The following HHLA2 variants were observed in gnomAD, a reference collection of about 807,000 sequenced individuals.
HHLA2 encodes HERV-H LTR-associating protein 2.
A neutral mutation model predicts 45.9 loss-of-function variants in HHLA2; 48 were observed. The observed-to-expected ratio is 1.05, with a 90% CI of 0.83 to 1.33. The LOEUF (loss-of-function observed/expected upper bound fraction) is 1.33, where lower values mean the gene tolerates loss of function less well. HHLA2 is among the 40% of genes most tolerant of loss of function. The pLI is 0.00. For synonymous variants in HHLA2, 161 were observed against 173.9 expected, an observed-to-expected ratio of 0.93 and a Z score of 0.59; for missense variants, 462 against 494.3, an observed-to-expected ratio of 0.93 and a Z score of 0.62.
intron 2 of HHLA2, chr3:108,326,878 G>A (rs552367069): frequency 2.0e-5 from 3 of 152,182 alleles, no homozygotes; most frequent in Non-Finnish European, 2.9e-5. Flanking sequence ...GAGAAAGCTA[G>A]TCTACTTATT....
chr3:108,298,554 G>C lies in HHLA2; in HGVS notation c.-192+1955G>C, dbSNP rs59194672. 4.7e-3 allele frequency among the ~76,000 whole-genome samples: 715 copies of C among 152,224 alleles called. 40 individuals are homozygous for C. In the East Asian group the frequency reaches 0.11, roughly 23 times the overall value. ...GCATATTTCTCTTTCTTCAGCATAG[G>C]CTTCACCCTTAGAAGCTTGCTTTTC... On this transcript the variant is annotated intron_variant, in intron 1 of 10. Transcript: ENST00000619531.
At chr3:108,366,851 T>G (rs1415828864) in intron 8 of HHLA2, among the ~76,000 whole-genome samples, 1 of 152,252 alleles carries the variant, frequency 6.6e-6, no homozygotes, top group Non-Finnish European at 1.5e-5. Flanking sequence ...TCTGTTTGAT[T>G]CTTCTTTCTT....
At chr3:108,353,507 C>G (rs772232203) in exon 5 of HHLA2, 1 of 1,610,510 alleles carries the variant, frequency 6.2e-7, no homozygotes, top group Admixed American at 1.7e-5. Flanking sequence ...AGATATAATT[C>G]TCCCTTCTTC....
intron 3 of HHLA2, among the ~76,000 whole-genome samples, chr3:108,328,865 G>A (rs1194437911): frequency 2.6e-5 from 4 of 152,162 alleles, no homozygotes; most frequent in African/African-American, 7.2e-5. Flanking sequence ...GTTCAGAATT[G>A]GGAGGAGGCG....
chr3:108,301,709 A>AT lies in HHLA2; in HGVS notation c.-192+5111dup, dbSNP rs566896309. Among the ~76,000 whole-genome samples the AT allele has an allele frequency of 1.3e-3, 197 of 152,182 alleles. 1 individual carries two copies. The Middle Eastern group carries it at 0.017, about 13-fold the overall frequency. ...TGGCAAATTCTTGTAATCTTTTCTC[A>AT]TAAGGATTCTACCCCTTTCTCCCTC... is the stretch of plus-strand genomic sequence containing the variant. On this transcript the variant is annotated intron_variant, in intron 1 of 10. Transcript: ENST00000619531.
intron 8 of HHLA2, among the ~76,000 whole-genome samples, chr3:108,363,702 T>G (rs1162098913): frequency 6.6e-6 from 1 of 152,162 alleles, no homozygotes; most frequent in East Asian, 1.9e-4. Flanking sequence ...GTGATTGGAT[T>G]AGGTTCAAAT....
chr3:108,359,226 C>A (rs1693919062), intron 7 of HHLA2, among the ~76,000 whole-genome samples: 1 of 152,010 alleles, frequency 6.6e-6, no homozygotes, highest in South Asian at 2.1e-4. Flanking sequence ...CTACATATGG[C>A]CCGTCTTCCC....
chr3:108,312,984 G>A (rs1479538878), intron 2 of HHLA2, among the ~76,000 whole-genome samples: 1 of 152,104 alleles, frequency 6.6e-6, no homozygotes, highest in Non-Finnish European at 1.5e-5. Flanking sequence ...AACAGTTGTG[G>A]GAGGACTCAA....
At chr3:108,345,763 C>G (rs958507698) in intron 3 of HHLA2, among the ~76,000 whole-genome samples, 1 of 152,222 alleles carries the variant, frequency 6.6e-6, no homozygotes, top group African/African-American at 2.4e-5. Flanking sequence ...TAAAATGCCA[C>G]ACAGTAAGGC....
intron 2 of HHLA2, chr3:108,325,891 A>T (rs1263632079): frequency 2.5e-6 from 1 of 405,056 alleles, no homozygotes; most frequent in East Asian, 6.8e-5. Context: ...TGGATGAAGC[A>T]CTAGCCATCT....
At chr3:108,374,478 T>C (rs1011478733) in intron 8 of HHLA2, among the ~76,000 whole-genome samples, 1 of 149,026 alleles carries the variant, frequency 6.7e-6, no homozygotes, top group Non-Finnish European at 1.5e-5. Flanking sequence ...AATTGACAAA[T>C]GGGATCTAAT....
At chr3:108,373,384 A>T (rs375507800) in intron 8 of HHLA2, among the ~76,000 whole-genome samples, 7 of 152,162 alleles carry the variant, frequency 4.6e-5, no homozygotes, top group African/African-American at 1.7e-4. Context: ...TACTGAACGG[A>T]CAAAAACTGG....
chr3:108,325,502 T>C, intron 2 of HHLA2: 1 of 340,184 alleles, frequency 2.9e-6, no homozygotes, highest in Non-Finnish European at 5.7e-6. Flanking sequence ...TTCCTGGCAG[T>C]AATTAAAACC....
At chr3:108,331,938 G>A (rs2081393365) in intron 3 of HHLA2, among the ~76,000 whole-genome samples, 1 of 152,010 alleles carries the variant, frequency 6.6e-6, no homozygotes, top group Non-Finnish European at 1.5e-5. Flanking sequence ...AGTTGTATAA[G>A]TGCTTAATGA....
chr3:108,358,794 C>A (rs2081941624), intron 7 of HHLA2, among the ~76,000 whole-genome samples: 1 of 152,158 alleles, frequency 6.6e-6, no homozygotes, highest in Non-Finnish European at 1.5e-5. Flanking sequence ...TCATGGCAGA[C>A]CATGGCAGCT....
At chr3:108,299,865 G>A (rs1269305254) in intron 1 of HHLA2, among the ~76,000 whole-genome samples, 2 of 152,108 alleles carry the variant, frequency 1.3e-5, no homozygotes, top group Non-Finnish European at 2.9e-5. Context: ...GATTCTCACA[G>A]TGAGATACAG....
In HHLA2 at chr3:108,359,375, C is replaced by T. The variant is rs557136413; in HGVS notation, c.1003+1214C>T. ...GCTGGGGGAGGGTGTGCTCACCCTTCCCCACGAGGAAGAGGACTTGGCAGG... is the reference window on the plus strand; with the variant it reads ...GCTGGGGGAGGGTGTGCTCACCCTTTCCCACGAGGAAGAGGACTTGGCAGG... On this transcript the variant is annotated intron_variant, in intron 7 of 10. Coordinates refer to ENST00000619531, the Ensembl canonical transcript of HHLA2. 3.6e-3 allele frequency among the ~76,000 whole-genome samples: 542 copies of T among 152,232 alleles called. 7 individuals carry two copies. Among genetic ancestry groups the T allele is most frequent in the Non-Finnish European group, 5.0e-3 (342 of 68,014 alleles).
At chr3:108,346,817 A>G (rs987478808) in intron 3 of HHLA2, among the ~76,000 whole-genome samples, 1 of 152,236 alleles carries the variant, frequency 6.6e-6, no homozygotes, top group Non-Finnish European at 1.5e-5. Context: ...CACAATTAGT[A>G]CTGATGGCTG....
intron 1 of HHLA2, among the ~76,000 whole-genome samples, chr3:108,304,420 T>G (rs552540416): frequency 2.0e-4 from 31 of 152,312 alleles, no homozygotes; most frequent in African/African-American, 7.0e-4. Flanking sequence ...CGACTCCTGG[T>G]GTTCCTTGTC....
Sources: allele counts gnomAD v4.1 joint callset (sites outside exome capture counted in the v4.1 genomes callset), GRCh38; gene constraint gnomAD v4.1.1; transcripts MANE v1.5; gene names NCBI Gene and HGNC (gene_info 2026-07-23, HGNC 2026-07-21).